The following DNAJC1 variants were observed in gnomAD, a reference collection of about 807,000 sequenced individuals.
DNAJC1 encodes dnaJ homolog subfamily C member 1.
In DNAJC1, 58 loss-of-function variants were observed where a neutral mutation model predicts 76.6. The observed-to-expected ratio is 0.76, with a 90% CI of 0.61 to 0.94. DNAJC1 has a LOEUF of 0.94. Ranked by LOEUF, DNAJC1 falls within the 40% of genes least tolerant of loss-of-function variation. DNAJC1 has a pLI of 0.00. For missense variants in DNAJC1, 689 were observed against 677.3 expected (o/e 1.02, Z -0.19); for synonymous variants, 258 against 267.9 (o/e 0.96, Z 0.36).
At chr10:21,779,223 T>A (rs1224774344) in intron 9 of DNAJC1, among the ~76,000 whole-genome samples, 1 of 152,206 alleles carries the variant, frequency 6.6e-6, no homozygotes, top group Non-Finnish European at 1.5e-5. Context: ...TAAATGTCCC[T>A]GTGTGACAGC....
intron 1 of DNAJC1, among the ~76,000 whole-genome samples, chr10:21,958,272 CTTTA>C (rs980496802): frequency 1.3e-5 from 2 of 152,030 alleles, no homozygotes; most frequent in African/African-American, 2.4e-5. Context: ...TTTTTAACAG[CTTTA>C]TTTAAGTATA....
intron 1 of DNAJC1, among the ~76,000 whole-genome samples, chr10:21,963,814 T>C (rs1837842661): frequency 1.3e-5 from 2 of 152,244 alleles, no homozygotes; most frequent in South Asian, 4.1e-4. Flanking sequence ...GAATTTTTTC[T>C]ACCTATTTAT....
chr10:21,841,573 G>A (rs1835574593), intron 8 of DNAJC1, among the ~76,000 whole-genome samples: 1 of 152,206 alleles, frequency 6.6e-6, no homozygotes, highest in Admixed American at 6.5e-5. Flanking sequence ...ACACCAGTTA[G>A]AATGGCGATC....
chr10:21,981,766 T>C (rs1169528586), intron 1 of DNAJC1, among the ~76,000 whole-genome samples: 1 of 152,214 alleles, frequency 6.6e-6, no homozygotes, highest in Non-Finnish European at 1.5e-5. Flanking sequence ...TAACAAAGAC[T>C]GTCTCCTTGA....
intron 9 of DNAJC1, among the ~76,000 whole-genome samples, chr10:21,805,562 TA>T (rs546804765): frequency 3.3e-4 from 50 of 152,262 alleles, no homozygotes; most frequent in African/African-American, 1.1e-3. Context: ...ATTATGGGTA[TA>T]TTGCTCATTT....
At chr10:21,922,386 T>C (rs1837055861) in intron 3 of DNAJC1, among the ~76,000 whole-genome samples, 1 of 151,978 alleles carries the variant, frequency 6.6e-6, no homozygotes. Context: ...AGGTTATTAA[T>C]AACAATATCA....
intron 6 of DNAJC1, among the ~76,000 whole-genome samples, chr10:21,905,979 A>G (rs999158429): frequency 6.6e-6 from 1 of 152,148 alleles, no homozygotes; most frequent in Non-Finnish European, 1.5e-5. Flanking sequence ...AAATACATAA[A>G]TACTTAAACC....
chr10:21,981,609 T>C (rs1174624018), intron 1 of DNAJC1, among the ~76,000 whole-genome samples: 2 of 152,168 alleles, frequency 1.3e-5, no homozygotes, highest in Non-Finnish European at 2.9e-5. Flanking sequence ...TCCTCATTTG[T>C]AAAATGGGGA....
chr10:21,806,023 C>T lies in DNAJC1; in HGVS notation c.1055G>A (p.Arg352Gln), dbSNP rs747599230. ...CAATTCGTGGGCAATCTTTTCCCAT[C>T]GACCTGGAGTCCCTCCTGGGAACTT... Reference protein sequence around the residue: ...MVKFPGGTPGRWEKIAHELGR... With the variant: ...MVKFPGGTPGQWEKIAHELGR... The change falls in exon 9 of 12, where the codon CGA (arginine) becomes CAA (glutamine). Residue 352 changes from arginine to glutamine, a missense_variant. By Grantham distance (43) the Arg-to-Gln change is conservative (BLOSUM62 1). Transcript: ENST00000376980. 3 of 1,611,730 alleles carry T rather than the reference C, an allele frequency of 1.9e-6. No homozygotes were observed. Among genetic ancestry groups the T allele is most frequent in the Non-Finnish European group, 2.5e-6 (3 of 1,179,638 alleles).
intron 6 of DNAJC1, 123 bp downstream of exon 6, chr10:21,918,656 C>G: frequency 1.6e-6 from 1 of 626,992 alleles, no homozygotes; most frequent in South Asian, 2.2e-5. Context: ...AAAAATCCTA[C>G]TCAATCAACA....
At chr10:21,804,097 G>A (rs1238034653) in intron 9 of DNAJC1, 1 of 356,730 alleles carries the variant, frequency 2.8e-6, no homozygotes, top group South Asian at 1.2e-4. Context: ...GATCTATGAG[G>A]CTTTGTTGGT....
intron 9 of DNAJC1, among the ~76,000 whole-genome samples, chr10:21,795,099 A>G (rs997970748): frequency 1.3e-5 from 2 of 152,170 alleles, no homozygotes; most frequent in Non-Finnish European, 1.5e-5. Flanking sequence ...AAGAACTCTT[A>G]TGACAGGAAA....
chr10:21,857,228 A>G (rs1205250180), intron 8 of DNAJC1, among the ~76,000 whole-genome samples: 2 of 152,318 alleles, frequency 1.3e-5, no homozygotes, highest in Admixed American at 6.5e-5. Context: ...TTGGCATAAG[A>G]GTAGAGTAAG....
At chr10:21,858,885 A>AT (rs1291087432) in intron 8 of DNAJC1, among the ~76,000 whole-genome samples, 7 of 152,206 alleles carry the variant, frequency 4.6e-5, no homozygotes, top group Non-Finnish European at 8.8e-5. Context: ...CTTTACTCCC[A>AT]TTACTCACAA....
intron 8 of DNAJC1, among the ~76,000 whole-genome samples, chr10:21,868,128 C>CTT (rs200727543): frequency 0.64 from 78,291 of 122,952 alleles, 25,783 homozygotes; most frequent in East Asian, 0.94. Context: ...TGAAAATATT[C>CTT]TTTTTTTTTT....
intron 1 of DNAJC1, among the ~76,000 whole-genome samples, chr10:21,932,385 A>G (rs570886114): frequency 1.3e-5 from 2 of 152,328 alleles, no homozygotes; most frequent in South Asian, 4.1e-4. Flanking sequence ...TAAGCTTATC[A>G]AAATGGAAAC....
rs78672819 is a variant in DNAJC1, at chr10:21,916,686, T to C, written c.729+2093A>G. On this transcript the variant is annotated intron_variant, in intron 6 of 11. Coordinates refer to ENST00000376980, the MANE Select transcript of DNAJC1 (RefSeq NM_022365.4). Reference sequence around the variant, plus strand: ...AAAGACTTGTTGTAAATTTCATAAATATCGTATTTAAGAAGATCTAAAATT... The same window carrying C: ...AAAGACTTGTTGTAAATTTCATAAACATCGTATTTAAGAAGATCTAAAATT... Among the ~76,000 whole-genome samples, 504 of 152,238 alleles carry C rather than the reference T, an allele frequency of 3.3e-3. 2 individuals carry two copies. Among genetic ancestry groups the C allele is most frequent in the Non-Finnish European group, 6.2e-3 (423 of 68,010 alleles).
chr10:21,759,727 T>C, intron 10 of DNAJC1, 109 bp from the exon 11 acceptor site: 1 of 958,960 alleles, frequency 1.0e-6, no homozygotes, highest in Non-Finnish European at 1.6e-6. Context: ...GCATTTTGCA[T>C]GCATGGTTTA....
At chr10:21,792,054 T>A (rs1181417117) in intron 9 of DNAJC1, among the ~76,000 whole-genome samples, 1 of 152,174 alleles carries the variant, frequency 6.6e-6, no homozygotes, top group Non-Finnish European at 1.5e-5. Flanking sequence ...AAAAAAAATC[T>A]TCTTTGGAGA....
Sources: gnomAD v4.1 joint callset for allele counts (sites outside exome capture counted in the v4.1 genomes callset) on GRCh38, gnomAD v4.1.1 for gene constraint, MANE v1.5 for transcripts, NCBI Gene and HGNC (gene_info 2026-07-23, HGNC 2026-07-21) for gene names.